The following SH2D4A variants were observed in gnomAD, a reference collection of about 807,000 sequenced individuals.
The protein encoded by SH2D4A is SH2 domain containing 4A, also known as SH2 domain-containing protein 4A.
Under a neutral mutation model 64.7 loss-of-function variants are expected in SH2D4A, and 70 were observed. The observed-to-expected ratio is 1.08, with a 90% CI of 0.89 to 1.32. The LOEUF is 1.32. Ranked by LOEUF, SH2D4A falls within the 40% of genes most tolerant of loss-of-function variation. SH2D4A has a pLI of 0.00. For missense variants in SH2D4A, 706 were observed against 540.1 expected (o/e 1.31, Z -3.04); for synonymous variants, 268 against 200.7 (o/e 1.34, Z -2.83).
Position 19,373,564 on chromosome 8 carries a change from G to C in SH2D4A, c.952G>C (p.Ala318Pro), listed in dbSNP as rs1407546490. ...AGTGGTGAGGACACTGTCCAGCTCT[G>C]CCCAAGAGGACATCATCCGGTGGTT... ...QGVVRTLSSSAQEDIIRWFKE... is the reference protein window; with the variant it reads ...QGVVRTLSSSPQEDIIRWFKE... Residue 318 changes from alanine (A) to proline (P), a missense_variant, in exon 8 of 10, where the codon GCC becomes CCC. Physicochemically the swap from Ala to Pro is conservative, Grantham distance 27. Transcript: ENST00000265807. 1 of 1,612,940 alleles carries C rather than the reference G, an allele frequency of 6.2e-7. No individual in the cohort carries two copies. The highest frequency in any genetic ancestry group is 1.3e-5 in the African/African-American group (1 of 74,702).
intron 2 of SH2D4A, among the ~76,000 whole-genome samples, chr8:19,324,270 G>C (rs922358437): frequency 3.3e-5 from 5 of 152,244 alleles, no homozygotes; most frequent in African/African-American, 1.2e-4. Context: ...AATGGGCTGA[G>C]ATCTGGTTGC....
chr8:19,319,807 C>T, intron 2 of SH2D4A, 79 bp downstream of exon 2: 1 of 1,405,580 alleles, frequency 7.1e-7, no homozygotes, highest in South Asian at 1.6e-5. Flanking sequence ...ACACTAGTCA[C>T]AAGCAAAGCA....
In SH2D4A at chr8:19,393,374, A is replaced by C. The variant is rs768727559; in HGVS notation, c.1105A>C (p.Ser369Arg). Residue 369 changes from serine to arginine, a missense_variant, in exon 9 of 10, where the codon AGT becomes CGT. By Grantham distance (110) the Ser-to-Arg change is moderately radical. Transcript: ENST00000265807. ...ELLLSTGMPG[S>R]FLIRVSERIK... ...TCTTCTGAGCACAGGCATGCCCGGC[A>C]GTTTTCTCATCCGAGTCAGTGAAAG... is the stretch of plus-strand genomic sequence containing the variant. The C allele has an allele frequency of 8.5e-5, 137 of 1,614,116 alleles. No homozygotes were observed. Among genetic ancestry groups the C allele is most frequent in the Non-Finnish European group, 1.1e-4 (135 of 1,180,054 alleles).
Position 19,319,463 on chromosome 8 carries a change from C to G in SH2D4A, c.-85C>G, listed in dbSNP as rs2052147226. 2 of 1,360,712 alleles carry G rather than the reference C, an allele frequency of 1.5e-6. No individual in the cohort carries two copies. 84.3% of individuals were successfully genotyped at this position (1,360,712 alleles called of 1,614,324 possible). ...GTTTGGGAAGTTTCGTGGAAACGCCCAAGTGCCAGCACAGGTGGAGGGACA... is the reference window on the plus strand; with the variant it reads ...GTTTGGGAAGTTTCGTGGAAACGCCGAAGTGCCAGCACAGGTGGAGGGACA... On this transcript the variant is annotated 5_prime_UTR_variant, in exon 2 of 10. Transcript: ENST00000265807.
chr8:19,321,102 A>G (rs1235722819), intron 2 of SH2D4A, among the ~76,000 whole-genome samples: 1 of 152,230 alleles, frequency 6.6e-6, no homozygotes, highest in Non-Finnish European at 1.5e-5. Flanking sequence ...TTCAGACACT[A>G]TGTGAAGCAC....
At position 19,393,414 on chromosome 8, in the gene SH2D4A, C is replaced by T; in HGVS notation, c.1145C>T (p.Ala382Val). The part of the protein sequence containing the change: ...IRVSERIKGY[A>V]LSYLSEDGCK... The stretch of plus-strand genomic sequence containing the variant: ...GTCAGTGAAAGGATCAAAGGCTATG[C>T]CCTGTCCTATCTGTCGGAGGACGGC... The change falls in exon 9 of 10, where the codon GCC becomes GTC. Residue 382 changes from alanine (A) to valine (V), a missense_variant. Physicochemically the swap from Ala to Val is moderately conservative, Grantham distance 64 (BLOSUM62 0). Coordinates refer to ENST00000265807, the MANE Select transcript of SH2D4A (RefSeq NM_022071.4). 6.2e-7 allele frequency: 1 copy of T among 1,614,160 alleles called. No homozygotes were observed. Among genetic ancestry groups the T allele is most frequent in the South Asian group, 1.1e-5 (1 of 91,088 alleles).
rs879853272 is a variant in SH2D4A at position 19,394,766 on chromosome 8, TAAA to T, written c.*125_*127del. ...AGAGCCAATACTGATCAACTGAAAG[TAAA>T]GTATCCATGGAGTCCTCATTGACAC... On this transcript the variant is annotated 3_prime_UTR_variant, in exon 10 of 10. Coordinates refer to ENST00000265807, the MANE Select transcript of SH2D4A (RefSeq NM_022071.4). 7,826 of 180,170 alleles carry T rather than the reference TAAA, an allele frequency of 0.043. 104 individuals are homozygous for T. The highest frequency in any genetic ancestry group is 0.12 in the Middle Eastern group (52 of 452). 11.2% of individuals were successfully genotyped at this position (180,170 alleles called of 1,614,324 possible). A position where few individuals can be genotyped will look rare whatever the true frequency, so the allele number is the denominator to read the frequency against.
Position 19,373,584 on chromosome 8 carries a change from G to A in SH2D4A, c.972G>A (p.Arg324=), listed in dbSNP as rs543016484. ...GCTCTGCCCAAGAGGACATCATCCG[G>A]TGGTTTAAAGAGGAGCAGCTACCAC... ...LSSSAQEDII[R]WFKEEQLPLR... is the part of the protein sequence containing the mutation. Residue 324 remains arginine, a synonymous_variant, in exon 8 of 10, where the codon CGG becomes CGA. Transcript: ENST00000265807. The A allele has an allele frequency of 6.2e-7, 1 of 1,613,376 alleles. No individual in the cohort carries two copies. The highest frequency in any genetic ancestry group is 8.5e-7 in the Non-Finnish European group (1 of 1,179,642).
intron 2 of SH2D4A, among the ~76,000 whole-genome samples, chr8:19,324,450 T>C (rs955168351): frequency 6.6e-6 from 1 of 152,236 alleles, no homozygotes; most frequent in African/African-American, 2.4e-5. Flanking sequence ...CCATTGACAG[T>C]GTTTGCCTCC....
intron 3 of SH2D4A, among the ~76,000 whole-genome samples, chr8:19,334,034 T>A (rs1169763567): frequency 6.6e-6 from 1 of 152,110 alleles, no homozygotes; most frequent in African/African-American, 2.4e-5. Context: ...ACTGCAGATG[T>A]AGGAAGGTAA....
chr8:19,361,925 C>T (rs1375750849), intron 6 of SH2D4A, among the ~76,000 whole-genome samples: 1 of 152,108 alleles, frequency 6.6e-6, no homozygotes, highest in South Asian at 2.1e-4. Flanking sequence ...AGCCTTGACT[C>T]CTATTTGAGT....
At chr8:19,346,883 G>T (rs959777409) in intron 4 of SH2D4A, among the ~76,000 whole-genome samples, 4 of 152,182 alleles carry the variant, frequency 2.6e-5, no homozygotes, top group Non-Finnish European at 5.9e-5. Context: ...AGCAATAAAA[G>T]ATATTGTTCT....
chr8:19,383,698 TAC>T (rs1170402257), intron 8 of SH2D4A, among the ~76,000 whole-genome samples: 27 of 152,304 alleles, frequency 1.8e-4, no homozygotes, highest in Middle Eastern at 3.4e-3. Context: ...GGTATAAACT[TAC>T]AGTCTTCACA....
At chr8:19,351,072 A>G (rs2117255519) in intron 4 of SH2D4A, among the ~76,000 whole-genome samples, 1 of 152,210 alleles carries the variant, frequency 6.6e-6, no homozygotes, top group Non-Finnish European at 1.5e-5. Context: ...ATTCTTTATA[A>G]CTTTATTGAA....
At chr8:19,341,848 A>C (rs2052534226) in intron 4 of SH2D4A, among the ~76,000 whole-genome samples, 1 of 151,630 alleles carries the variant, frequency 6.6e-6, no homozygotes, top group Non-Finnish European at 1.5e-5. Flanking sequence ...TCTTAACAAA[A>C]AAAAAAAAAA....
intron 5 of SH2D4A, 191 bp from the exon 6 acceptor site, chr8:19,361,012 C>A (rs2052875192): frequency 2.5e-6 from 1 of 402,618 alleles, no homozygotes; most frequent in Non-Finnish European, 4.5e-6. Flanking sequence ...CACTAGCTAG[C>A]AATGGTCAGT....
chr8:19,377,065 C>G (rs2053207792), intron 8 of SH2D4A, among the ~76,000 whole-genome samples: 1 of 152,164 alleles, frequency 6.6e-6, no homozygotes, highest in African/African-American at 2.4e-5. Context: ...ATATTTACTT[C>G]ATATCTGTTT....
At chr8:19,372,705 T>C (rs1464635527) in intron 7 of SH2D4A, among the ~76,000 whole-genome samples, 1 of 152,218 alleles carries the variant, frequency 6.6e-6, no homozygotes, top group Non-Finnish European at 1.5e-5. Context: ...ATTGCAAGGT[T>C]ACTCTTTGTA....
At chr8:19,315,992 A>C (rs956379413) in intron 1 of SH2D4A, among the ~76,000 whole-genome samples, 1 of 152,192 alleles carries the variant, frequency 6.6e-6, no homozygotes, top group Non-Finnish European at 1.5e-5. Context: ...CACACCGCTC[A>C]CTAGAGGCGG....
Sources: gnomAD v4.1 joint callset for allele counts (sites outside exome capture counted in the v4.1 genomes callset) on GRCh38, gnomAD v4.1.1 for gene constraint, MANE v1.5 for transcripts, NCBI Gene and HGNC (gene_info 2026-07-23, HGNC 2026-07-21) for gene names.